Variants in CSMD1 observed in about 807,000 individuals in gnomAD.
The protein encoded by CSMD1 is CUB and Sushi multiple domains 1, also known as CUB and sushi domain-containing protein 1.
In CSMD1, 213 loss-of-function variants were observed where a neutral mutation model predicts 417.5. The observed-to-expected ratio is 0.51, with a 90% confidence interval of 0.46 to 0.57. The LOEUF (loss-of-function observed/expected upper bound fraction) is 0.57, where lower values mean the gene tolerates loss of function less well. Among genes scored for constraint, CSMD1 ranks in the 20% least tolerant of loss-of-function variants. CSMD1 has a pLI of 0.00. For synonymous variants in CSMD1, 2,862 were observed against 1,736.8 expected (o/e 1.65, Z -16.11); for missense variants, 6,923 against 4,529.7 (o/e 1.53, Z -15.17).
At chr8:3,533,098 A>G (rs1309894836) in intron 10 of CSMD1, among the ~76,000 whole-genome samples, 1 of 152,206 alleles carries the variant, frequency 6.6e-6, no homozygotes, top group Non-Finnish European at 1.5e-5. Context: ...TTCCATCACC[A>G]TCTTGGCATG....
chr8:3,460,298 A>G (rs986681482), intron 12 of CSMD1, among the ~76,000 whole-genome samples: 74 of 152,286 alleles, frequency 4.9e-4, no homozygotes, highest in Non-Finnish European at 7.8e-4. Flanking sequence ...AAAGAGAGGA[A>G]AAAAGGAAGA....
chr8:3,269,518 TTTCAA>T (rs1310738133), intron 26 of CSMD1, among the ~76,000 whole-genome samples: 1 of 152,210 alleles, frequency 6.6e-6, no homozygotes, highest in Non-Finnish European at 1.5e-5. Context: ...TTAAGTTATC[TTTCAA>T]TAAAGTAGGG....
At chr8:3,860,196 A>G (rs2129105271) in intron 5 of CSMD1, among the ~76,000 whole-genome samples, 1 of 152,284 alleles carries the variant, frequency 6.6e-6, no homozygotes, top group East Asian at 1.9e-4. Flanking sequence ...AGTGATTCAT[A>G]TGAAAGTAGG....
chr8:3,219,192 G>A, intron 29 of CSMD1, 63 bp downstream of exon 29: 1 of 1,324,880 alleles, frequency 7.5e-7, no homozygotes, highest in Non-Finnish European at 1.1e-6. Flanking sequence ...ACAAAGCAAT[G>A]CCTACAATAA....
chr8:4,398,796 T>C (rs946083919), intron 3 of CSMD1, among the ~76,000 whole-genome samples: 26 of 152,238 alleles, frequency 1.7e-4, no homozygotes, highest in African/African-American at 6.3e-4. Flanking sequence ...CTTTCACCTA[T>C]GAATGACCCT....
intron 11 of CSMD1, among the ~76,000 whole-genome samples, chr8:3,478,913 C>T (rs548591240): frequency 6.6e-6 from 1 of 152,130 alleles, no homozygotes; most frequent in East Asian, 1.9e-4. Flanking sequence ...GTCTCTTCCC[C>T]ACCCAGACAC....
intron 8 of CSMD1, among the ~76,000 whole-genome samples, chr8:3,609,199 T>A (rs1801768900): frequency 6.6e-6 from 1 of 152,198 alleles, no homozygotes. Context: ...GATAATTACA[T>A]CTGCCTGGAC....
chr8:3,527,542 T>C (rs1027927459), intron 10 of CSMD1, among the ~76,000 whole-genome samples: 2 of 152,112 alleles, frequency 1.3e-5, no homozygotes, highest in Admixed American at 1.3e-4. Context: ...ATTGTGGCCA[T>C]GGTCACAAGA....
intron 4 of CSMD1, among the ~76,000 whole-genome samples, chr8:4,009,955 C>A (rs1816416758): frequency 3.9e-5 from 5 of 127,218 alleles, no homozygotes; most frequent in African/African-American, 1.2e-4. Context: ...CAACTCTCAT[C>A]CTCTAAAAGA....
intron 49 of CSMD1, among the ~76,000 whole-genome samples, chr8:3,080,586 G>A (rs931565644): frequency 6.6e-6 from 1 of 152,158 alleles, no homozygotes; most frequent in African/African-American, 2.4e-5. Context: ...GGGGTCTTGG[G>A]AAGATCTCTG....
chr8:4,130,720 G>C (rs1004445226), intron 3 of CSMD1, among the ~76,000 whole-genome samples: 5 of 121,192 alleles, frequency 4.1e-5, no homozygotes, highest in African/African-American at 9.5e-5. Flanking sequence ...ACACATGAAA[G>C]TATTTTGTCT....
rs548814095 is a variant in CSMD1, at chr8:4,102,387, G to A, written c.416-70288C>T. Among the ~76,000 whole-genome samples the A allele has an allele frequency of 1.1e-3, 162 of 152,228 alleles. 1 individual carries two copies. Among genetic ancestry groups the A allele is most frequent in the African/African-American group, 3.5e-3 (144 of 41,544 alleles). ...AGAGAAACTGGACATTGGTAACTTCGTAAGGTTAACCCCTCTGGAGAATAT... is the reference window on the plus strand; with the variant it reads ...AGAGAAACTGGACATTGGTAACTTCATAAGGTTAACCCCTCTGGAGAATAT... On this transcript the variant is annotated intron_variant, in intron 3 of 69. Transcript: ENST00000635120.
chr8:4,857,899 C>G (rs1801896390), intron 1 of CSMD1, among the ~76,000 whole-genome samples: 1 of 151,498 alleles, frequency 6.6e-6, no homozygotes, highest in South Asian at 2.1e-4. Flanking sequence ...AGGGAATCCT[C>G]CCTAACTCAT....
intron 26 of CSMD1, among the ~76,000 whole-genome samples, chr8:3,281,822 T>C (rs1358971364): frequency 1.3e-5 from 2 of 152,138 alleles, no homozygotes; most frequent in Non-Finnish European, 2.9e-5. Context: ...TAATCCCCAC[T>C]GTTGGAGGTA....
intron 7 of CSMD1, among the ~76,000 whole-genome samples, chr8:3,644,980 A>AAAAAAAAAAAAAAAAAAAAAAT (rs1797506305): frequency 6.6e-6 from 1 of 151,098 alleles, no homozygotes; most frequent in African/African-American, 2.4e-5. Flanking sequence ...AAAAAAAAAA[A>AAAAAAAAAAAAAAAAAAAAAAT]AAAAAAAAAA....
intron 3 of CSMD1, among the ~76,000 whole-genome samples, chr8:4,413,096 T>G (rs375472205): frequency 2.6e-5 from 4 of 152,168 alleles, no homozygotes; most frequent in African/African-American, 4.8e-5. Context: ...AAGAGATATT[T>G]CATGGCCCTC....
At chr8:3,241,775 G>C (rs977570718) in intron 26 of CSMD1, among the ~76,000 whole-genome samples, 2 of 152,074 alleles carry the variant, frequency 1.3e-5, no homozygotes, top group Non-Finnish European at 2.9e-5. Flanking sequence ...GCTGGGGTTT[G>C]TCTCACAGTG....
At chr8:2,992,700 T>C (rs947449835) in intron 54 of CSMD1, among the ~76,000 whole-genome samples, 1 of 151,052 alleles carries the variant, frequency 6.6e-6, no homozygotes, top group Non-Finnish European at 1.5e-5. Context: ...GCTGTGACTA[T>C]AGGCGTGAGC....
intron 1 of CSMD1, among the ~76,000 whole-genome samples, chr8:4,899,880 C>T (rs184669560): frequency 6.2e-4 from 94 of 152,278 alleles, no homozygotes; most frequent in Middle Eastern, 3.4e-3. Flanking sequence ...TACCTGGGGA[C>T]AAGCCTTTCA....
Sources: allele counts gnomAD v4.1 joint callset (sites outside exome capture counted in the v4.1 genomes callset), GRCh38; gene constraint gnomAD v4.1.1; transcripts MANE v1.5; gene names NCBI Gene and HGNC (gene_info 2026-07-23, HGNC 2026-07-21).